The following CEP63 variants were observed in gnomAD, a reference collection of about 807,000 sequenced individuals.
CEP63 encodes centrosomal protein of 63 kDa.
CEP63 carries 84 observed loss-of-function variants against 89.1 expected under a neutral mutation model. The ratio of observed to expected loss-of-function variants is 0.94; its 90% confidence interval spans 0.79 to 1.13. The LOEUF is 1.13. Ranked by LOEUF, CEP63 falls within the 50% of genes most tolerant of loss-of-function variation. The pLI is 0.00. For missense variants in CEP63, 838 were observed against 813.3 expected (o/e 1.03, Z -0.37); for synonymous variants, 267 against 272.5 (o/e 0.98, Z 0.20).
intron 5 of CEP63, among the ~76,000 whole-genome samples, chr3:134,533,323 T>C (rs1379758989): frequency 2.6e-5 from 4 of 152,192 alleles, no homozygotes; most frequent in Non-Finnish European, 5.9e-5. Flanking sequence ...TTATAGGCAG[T>C]CCTCTATGGA....
At chr3:134,654,278 G>A in the CEP63 span, among the ~76,000 whole-genome samples, 1 of 152,182 alleles carries the variant, frequency 6.6e-6, no homozygotes, top group Non-Finnish European at 1.5e-5. Flanking sequence ...TGTCACCAGA[G>A]AGGAGTGTGT....
the CEP63 span, among the ~76,000 whole-genome samples, chr3:134,774,138 G>T: frequency 3.3e-5 from 5 of 152,156 alleles, no homozygotes; most frequent in Non-Finnish European, 7.3e-5. Flanking sequence ...CCATTGACAT[G>T]CTCTGGGGCA....
At chr3:134,659,173 A>C in the CEP63 span, among the ~76,000 whole-genome samples, 1 of 152,166 alleles carries the variant, frequency 6.6e-6, no homozygotes, top group Non-Finnish European at 1.5e-5. Context: ...CACTTCCAAA[A>C]TATCCTGGGC....
the CEP63 span, among the ~76,000 whole-genome samples, chr3:134,755,978 G>A: frequency 1.3e-5 from 2 of 152,244 alleles, no homozygotes; most frequent in Non-Finnish European, 2.9e-5. Flanking sequence ...CCATCCAGGG[G>A]ACAAGGGAAG....
At chr3:134,767,520 C>T in the CEP63 span, among the ~76,000 whole-genome samples, 3 of 152,198 alleles carry the variant, frequency 2.0e-5, no homozygotes, top group Non-Finnish European at 4.4e-5. Context: ...TCTCATAGAG[C>T]TCTGCACTCA....
chr3:134,749,497 A>G, the CEP63 span, among the ~76,000 whole-genome samples: 1 of 152,114 alleles, frequency 6.6e-6, no homozygotes, highest in Non-Finnish European at 1.5e-5. Context: ...TGGAAGGAAA[A>G]ATGTCTAAGA....
chr3:134,492,572 CTTTT>C (rs77074365), intron 1 of CEP63, among the ~76,000 whole-genome samples: 1 of 139,212 alleles, frequency 7.2e-6, no homozygotes, highest in Non-Finnish European at 1.6e-5. Flanking sequence ...CACTTCCCTC[CTTTT>C]TTTTTTTTTT....
the CEP63 span, among the ~76,000 whole-genome samples, chr3:134,623,962 A>G: frequency 1.6e-4 from 24 of 152,200 alleles, no homozygotes; most frequent in African/African-American, 5.8e-4. Flanking sequence ...ACGAAATCTG[A>G]TGACTACCAA....
the CEP63 span, among the ~76,000 whole-genome samples, chr3:134,722,246 A>G: frequency 2.0e-4 from 30 of 151,202 alleles, no homozygotes; most frequent in Non-Finnish European, 2.8e-4. Context: ...CAAGTTATCT[A>G]ATTTGTTGGC....
intron 10 of CEP63, among the ~76,000 whole-genome samples, chr3:134,587,237 T>C (rs1423975473): frequency 1.3e-5 from 2 of 152,150 alleles, no homozygotes; most frequent in African/African-American, 4.8e-5. Flanking sequence ...TTTCCGTTGC[T>C]GGCGAGGAGC....
chr3:134,724,967 A>G, the CEP63 span, among the ~76,000 whole-genome samples: 3 of 152,208 alleles, frequency 2.0e-5, no homozygotes, highest in Non-Finnish European at 4.4e-5. Context: ...ATAATTGAAA[A>G]TAAGGCAACC....
intron 13 of CEP63, among the ~76,000 whole-genome samples, chr3:134,558,556 G>A (rs1343900157): frequency 3.3e-5 from 5 of 152,110 alleles, no homozygotes; most frequent in African/African-American, 1.2e-4. Flanking sequence ...CTTTAGTTTT[G>A]TACACTCTGG....
chr3:134,659,127 G>A, the CEP63 span, among the ~76,000 whole-genome samples: 3 of 152,168 alleles, frequency 2.0e-5, no homozygotes, highest in African/African-American at 7.2e-5. Context: ...CTTTGCTGGG[G>A]AGGGAGATGA....
chr3:134,725,453 A>T, the CEP63 span, among the ~76,000 whole-genome samples: 2 of 152,020 alleles, frequency 1.3e-5, no homozygotes, highest in South Asian at 4.1e-4. Context: ...CCTGCTCCCC[A>T]CCGAAGGGGC....
the CEP63 span, among the ~76,000 whole-genome samples, chr3:134,662,663 T>C: frequency 4.6e-5 from 7 of 152,220 alleles, no homozygotes; most frequent in Non-Finnish European, 8.8e-5. Context: ...AGTTCAAATA[T>C]GTTTGCTAAT....
chr3:134,602,227 C>G, the CEP63 span, among the ~76,000 whole-genome samples: 1 of 152,088 alleles, frequency 6.6e-6, no homozygotes, highest in South Asian at 2.1e-4. Flanking sequence ...CTGCAGTGGC[C>G]ATGTGGGGCC....
the CEP63 span, among the ~76,000 whole-genome samples, chr3:134,702,094 C>G: frequency 6.6e-6 from 1 of 151,978 alleles, no homozygotes; most frequent in Non-Finnish European, 1.5e-5. Flanking sequence ...AGCCAAATCA[C>G]GAATGAACTT....
In CEP63 at chr3:134,517,200, C is replaced by T. The variant is rs555685581; in HGVS notation, c.222+9914C>T. ...TCCTCACTGTGCTTTCTGGGGTCAC[C>T]TCCAGTTGCCCTGAAGTCCATGTCT... On this transcript the variant is annotated intron_variant, in intron 3 of 14. Transcript: ENST00000675561. Among the ~76,000 whole-genome samples, 4 of 152,254 alleles carry T rather than the reference C, an allele frequency of 2.6e-5. No homozygotes were observed. In the East Asian group the frequency reaches 7.7e-4, roughly 29 times the overall value.
chr3:134,658,237 G>A, the CEP63 span, among the ~76,000 whole-genome samples: 2 of 152,236 alleles, frequency 1.3e-5, no homozygotes, highest in East Asian at 3.9e-4. Flanking sequence ...TTATTACCAT[G>A]GAGATTGAAC....
Sources: gnomAD v4.1 joint callset for allele counts (sites outside exome capture counted in the v4.1 genomes callset) on GRCh38, gnomAD v4.1.1 for gene constraint, MANE v1.5 for transcripts, NCBI Gene and HGNC (gene_info 2026-07-23, HGNC 2026-07-21) for gene names.